The following RBM27 variants were observed in gnomAD, a reference collection of about 807,000 sequenced individuals.
RBM27 encodes the protein RNA-binding protein 27.
A neutral mutation model predicts 135.3 loss-of-function variants in RBM27; 22 were observed. The ratio of observed to expected loss-of-function variants is 0.16; its 90% CI spans 0.12 to 0.23. The LOEUF (loss-of-function observed/expected upper bound fraction) is 0.23. Ranked by LOEUF, RBM27 falls within the 10% of genes least tolerant of loss-of-function variation. The pLI, the probability that RBM27 is intolerant of heterozygous loss-of-function variation, is 1.00. For synonymous variants in RBM27, 481 were observed against 442.4 expected (o/e 1.09, Z -1.10); for missense variants, 1,009 against 1,281.0 (o/e 0.79, Z 3.24).
rs1393277198 is a variant in RBM27, at chr5:146,228,986, A to G, written c.344A>G (p.Lys115Arg). The G allele has an allele frequency of 1.9e-6, 3 of 1,613,856 alleles. No individual in the cohort carries two copies. The Admixed American group carries it at 5.0e-5, about 27-fold the overall frequency. The change falls in exon 4 of 21, where the codon AAA becomes AGA. Residue 115 changes from lysine (K) to arginine (R), a missense_variant. By Grantham distance (26) the Lys-to-Arg change is conservative. This residue lies in a region of RBM27 where 268 missense variants were observed against 326.6 expected (regional missense o/e 0.82). Coordinates refer to ENST00000265271, the MANE Select transcript of RBM27 (RefSeq NM_018989.2). ...EPAEEERDGRKKKYPSPQKTR... is the reference protein window; with the variant it reads ...EPAEEERDGRRKKYPSPQKTR... ...GCAGAGGAAGAACGAGATGGCAGAA[A>G]AAAGAAATATCCTAGTCCCCAGAAG...
At chr5:146,270,817 T>A (rs964832119) in intron 17 of RBM27, 137 bp from the exon 18 acceptor site, 9 of 541,170 alleles carry the variant, frequency 1.7e-5, no homozygotes, top group African/African-American at 9.6e-5. Context: ...GTTACTTTTT[T>A]AAAAACACCC....
chr5:146,212,837 C>A (rs959161395), intron 1 of RBM27, among the ~76,000 whole-genome samples: 4 of 151,938 alleles, frequency 2.6e-5, no homozygotes, highest in African/African-American at 9.7e-5. Flanking sequence ...CCTCAGCCTC[C>A]TGAATACCTG....
chr5:146,246,381 A>G (rs1757623459), intron 8 of RBM27, among the ~76,000 whole-genome samples: 1 of 152,232 alleles, frequency 6.6e-6, no homozygotes, highest in South Asian at 2.1e-4. Context: ...CATGTTACCT[A>G]TATGAACAAT....
At chr5:146,267,878 A>G in intron 15 of RBM27, 110 bp downstream of exon 15, 1 of 1,086,702 alleles carries the variant, frequency 9.2e-7, no homozygotes, top group Non-Finnish European at 1.3e-6. Context: ...TAACATCATA[A>G]TGCTTATTTA....
At chr5:146,250,832 A>G (rs1393513514) in intron 8 of RBM27, among the ~76,000 whole-genome samples, 1 of 124,382 alleles carries the variant, frequency 8.0e-6, no homozygotes, top group Non-Finnish European at 1.6e-5. Context: ...GTTGGAGTGC[A>G]GTGGCACGAT....
At chr5:146,222,707 C>T (rs764268267) in intron 2 of RBM27, among the ~76,000 whole-genome samples, 5 of 152,070 alleles carry the variant, frequency 3.3e-5, no homozygotes, top group Non-Finnish European at 5.9e-5. Flanking sequence ...CAAAAAAAAG[C>T]AGTATAAATA....
chr5:146,237,504 C>A, intron 8 of RBM27, 72 bp downstream of exon 8: 1 of 1,480,042 alleles, frequency 6.8e-7, no homozygotes. Flanking sequence ...CAGTATAACC[C>A]TTTAAAAAAT....
At chr5:146,257,961 C>G (rs1040028582) in intron 10 of RBM27, among the ~76,000 whole-genome samples, 5 of 152,152 alleles carry the variant, frequency 3.3e-5, no homozygotes, top group African/African-American at 1.2e-4. Context: ...GGATTACAGG[C>G]ATGCACCACC....
At chr5:146,275,129 C>G (rs1191301792) in intron 19 of RBM27, among the ~76,000 whole-genome samples, 9 of 151,518 alleles carry the variant, frequency 5.9e-5, no homozygotes, top group Admixed American at 5.3e-4. Context: ...CTGTAGTATG[C>G]AGACCCCTGG....
In RBM27 at chr5:146,232,308, C is replaced by T. The variant is rs148071041; in HGVS notation, c.851-1142C>T. The stretch of plus-strand genomic sequence containing the variant: ...TATAATTCAAGAATTACCTCATTCT[C>T]GCCCTAATCTCTCAGCCATAGAATA... On this transcript the variant is annotated intron_variant, in intron 6 of 20. Coordinates refer to ENST00000265271, the MANE Select transcript of RBM27 (RefSeq NM_018989.2). Among the ~76,000 whole-genome samples the T allele has an allele frequency of 7.2e-5, 11 of 152,246 alleles. No homozygotes were observed. The East Asian group carries it at 9.7e-4, about 13-fold the overall frequency.
At position 146,284,749 on chromosome 5, in the gene RBM27, G is replaced by A; in HGVS notation, c.3099+17G>A. The A allele has an allele frequency of 6.9e-7, 1 of 1,447,468 alleles. No individual in the cohort carries two copies. The highest frequency in any genetic ancestry group is 9.7e-7 in the Non-Finnish European group (1 of 1,035,562). 89.7% of individuals were successfully genotyped at this position (1,447,468 alleles called of 1,614,324 possible). A position where few individuals can be genotyped will look rare whatever the true frequency, so the allele number is the denominator to read the frequency against. Reference sequence around the variant, plus strand: ...AAGGAGGAGGTAAATTTAGTGGTTGGAAATAAGAGTTGAATTAGATCACTT... The same window carrying A: ...AAGGAGGAGGTAAATTTAGTGGTTGAAAATAAGAGTTGAATTAGATCACTT... On this transcript the variant is annotated intron_variant, in intron 20 of 20. Transcript: ENST00000265271.
rs771004236 is a variant in RBM27 at position 146,261,785 on chromosome 5, A to G, written c.2169A>G (p.Thr723=). The G allele has an allele frequency of 6.2e-7, 1 of 1,614,038 alleles. No individual in the cohort carries two copies. Among genetic ancestry groups the G allele is most frequent in the African/African-American group, 1.3e-5 (1 of 74,916 alleles). Residue 723 remains threonine (T), a synonymous_variant, in exon 13 of 21, where the codon ACA becomes ACG. Coordinates refer to ENST00000265271, the MANE Select transcript of RBM27 (RefSeq NM_018989.2). ...QVLVAQSAPS[T]VHGGIQKMMS... ...TAGTGGCCCAGTCTGCTCCTTCAAC[A>G]GTGCACGGAGGTATCCAGAAGGTAA...
chr5:146,229,090 C>A, intron 4 of RBM27, 53 bp downstream of exon 4: 1 of 1,400,924 alleles, frequency 7.1e-7, no homozygotes, highest in Non-Finnish European at 1.0e-6. Flanking sequence ...TTTTAGTTGC[C>A]TTGCAAGGAC....
chr5:146,261,904 T>A (rs1758418143), intron 13 of RBM27, 98 bp downstream of exon 13: 1 of 1,253,110 alleles, frequency 8.0e-7, no homozygotes, highest in South Asian at 1.4e-5. Flanking sequence ...GAAGAGCTAC[T>A]CTTAATTTGA....
intron 17 of RBM27, 117 bp from the exon 18 acceptor site, chr5:146,270,837 G>C: frequency 1.7e-6 from 1 of 601,290 alleles, no homozygotes; most frequent in South Asian, 2.1e-5. Flanking sequence ...CATGTTTATT[G>C]CATCCTCTCA....
At position 146,245,027 on chromosome 5, in the gene RBM27, A is replaced by C. The variant is rs190100276; in HGVS notation, c.1280-6684A>C. ...TAACTAGGCTGTACAGGCACATGCC[A>C]CCATGCCCAGCTAATGTTGAATTTT... On this transcript the variant is annotated intron_variant, in intron 8 of 20. Transcript: ENST00000265271. Among the ~76,000 whole-genome samples the C allele has an allele frequency of 2.4e-3, 370 of 152,214 alleles. 3 individuals carry two copies. Among genetic ancestry groups the C allele is most frequent in the African/African-American group, 8.4e-3 (347 of 41,532 alleles).
chr5:146,203,674 G>A lies in RBM27; in HGVS notation c.-92G>A, dbSNP rs531413482. 1.7e-3 allele frequency: 2,039 copies of A among 1,210,716 alleles called. 3 individuals carry two copies. The highest frequency in any genetic ancestry group is 2.1e-3 in the Non-Finnish European group (1,806 of 844,324). The allele number at this position is 1,210,716 out of a possible 1,614,324, so 75.0% of individuals were successfully genotyped here. On this transcript the variant is annotated 5_prime_UTR_variant, in exon 1 of 21. Coordinates refer to ENST00000265271, the MANE Select transcript of RBM27 (RefSeq NM_018989.2). ...AAGATGCCCGGTGGGCTGGGGCACC[G>A]GGAGCTGTGAAGGGAACGTGAGGGG...
intron 19 of RBM27, among the ~76,000 whole-genome samples, chr5:146,277,113 T>C (rs1759123374): frequency 6.6e-6 from 1 of 152,230 alleles, no homozygotes; most frequent in African/African-American, 2.4e-5. Flanking sequence ...AACTCTAAAC[T>C]GCTGTAATTT....
intron 19 of RBM27, among the ~76,000 whole-genome samples, chr5:146,282,975 A>G (rs1759424529): frequency 6.6e-6 from 1 of 152,204 alleles, no homozygotes; most frequent in Non-Finnish European, 1.5e-5. Flanking sequence ...TTCTTCCTTT[A>G]ATAATGTATA....
Sources: gnomAD v4.1 joint callset for allele counts (sites outside exome capture counted in the v4.1 genomes callset) on GRCh38, gnomAD v4.1.1 for gene constraint, gnomAD v4.1.1 regional missense constraint, MANE v1.5 for transcripts, NCBI Gene and HGNC (gene_info 2026-07-23, HGNC 2026-07-21) for gene names.